The following UBXN2A variants were observed in gnomAD, a reference collection of about 807,000 sequenced individuals.
UBXN2A encodes the protein UBX domain-containing protein 2A.
Under a neutral mutation model 28.4 loss-of-function variants are expected in UBXN2A, and 28 were observed. The observed-to-expected ratio is 0.99, with a 90% CI of 0.73 to 1.35. UBXN2A has a LOEUF of 1.35. UBXN2A is among the 40% of genes most tolerant of loss of function. The pLI is 0.00. For missense variants in UBXN2A, 253 were observed against 297.9 expected (o/e 0.85, Z 1.11); for synonymous variants, 97 against 103.6 (o/e 0.94, Z 0.39).
At chr2:23,982,372 A>C (rs1707947871) in intron 4 of UBXN2A, among the ~76,000 whole-genome samples, 1 of 152,154 alleles carries the variant, frequency 6.6e-6, no homozygotes, top group Admixed American at 6.6e-5. Flanking sequence ...GTCTCAAAAA[A>C]AAAAAAAAGT....
chr2:23,995,715 A>G (rs1462644447), intron 6 of UBXN2A, among the ~76,000 whole-genome samples: 5 of 151,754 alleles, frequency 3.3e-5, no homozygotes, highest in Admixed American at 6.6e-5. Flanking sequence ...GAAAAGAAAA[A>G]AAAAAGAAAA....
intron 1 of UBXN2A, among the ~76,000 whole-genome samples, chr2:23,952,933 G>T (rs1706445404): frequency 6.8e-6 from 1 of 147,520 alleles, no homozygotes; most frequent in Non-Finnish European, 1.5e-5. Context: ...TTCAAGCCAT[G>T]AATCAACCAA....
intron 3 of UBXN2A, among the ~76,000 whole-genome samples, chr2:23,971,615 A>G (rs1707426031): frequency 6.6e-6 from 1 of 152,032 alleles, no homozygotes; most frequent in Admixed American, 6.6e-5. Context: ...CAGCATTCGC[A>G]GGTAGCCCGG....
At chr2:23,969,620 C>G (rs1368246291) in intron 2 of UBXN2A, among the ~76,000 whole-genome samples, 1 of 152,142 alleles carries the variant, frequency 6.6e-6, no homozygotes, top group Non-Finnish European at 1.5e-5. Context: ...CTTGGCCTCT[C>G]AAAGTGCTGG....
chr2:23,944,329 T>A, intron 1 of UBXN2A: 4 of 1,600,620 alleles, frequency 2.5e-6, no homozygotes, highest in Non-Finnish European at 3.4e-6. Flanking sequence ...ACTGTGTTAT[T>A]TGTAGGGCTG....
chr2:23,964,371 C>T (rs185393434), intron 2 of UBXN2A, among the ~76,000 whole-genome samples: 54 of 152,196 alleles, frequency 3.5e-4, no homozygotes, highest in African/African-American at 1.2e-3. Flanking sequence ...CCACCACACC[C>T]GGCTAATTTT....
rs531195100 is a variant in UBXN2A, at chr2:23,974,307, G to A, written c.181-2662G>A. ...GCTAGGATTACAGACTTGAGCCACCGTGCCTGGCCAAAAAATGATAAATTT... is the reference window on the plus strand; with the variant it reads ...GCTAGGATTACAGACTTGAGCCACCATGCCTGGCCAAAAAATGATAAATTT... On this transcript the variant is annotated intron_variant, in intron 3 of 6. Coordinates refer to ENST00000309033, the MANE Select transcript of UBXN2A (RefSeq NM_181713.4). Among the ~76,000 whole-genome samples, 123 of 149,612 alleles carry A rather than the reference G, an allele frequency of 8.2e-4. 1 individual carries two copies. The highest frequency in any genetic ancestry group is 3.5e-3 in the Middle Eastern group (1 of 288).
At chr2:23,985,920 T>G (rs1263295003) in intron 6 of UBXN2A, among the ~76,000 whole-genome samples, 1 of 151,826 alleles carries the variant, frequency 6.6e-6, no homozygotes, top group African/African-American at 2.4e-5. Context: ...GCCCAGGAGG[T>G]AGAGACTGCA....
chr2:23,929,428 AG>A (rs2150779977), intron 1 of UBXN2A, among the ~76,000 whole-genome samples: 1 of 150,924 alleles, frequency 6.6e-6, no homozygotes, highest in East Asian at 2.0e-4. Context: ...AAAAAAAAAA[AG>A]GGTAGGGTGC....
At chr2:23,951,448 A>C (rs1245634649) in intron 1 of UBXN2A, among the ~76,000 whole-genome samples, 3 of 61,502 alleles carry the variant, frequency 4.9e-5, no homozygotes, top group Non-Finnish European at 6.8e-5. Flanking sequence ...ATATATATAT[A>C]TATATATATA....
At chr2:23,929,447 A>C (rs1705304770) in intron 1 of UBXN2A, among the ~76,000 whole-genome samples, 1 of 150,788 alleles carries the variant, frequency 6.6e-6, no homozygotes, top group African/African-American at 2.4e-5. Context: ...TGCAGTGGCT[A>C]ATGCCTGTAA....
chr2:23,965,926 T>G (rs771563328), intron 2 of UBXN2A, among the ~76,000 whole-genome samples: 25 of 152,106 alleles, frequency 1.6e-4, no homozygotes, highest in Non-Finnish European at 3.4e-4. Flanking sequence ...TTCCTTCTTG[T>G]GTGTGTTTTG....
chr2:23,976,471 G>A (rs1490657203), intron 3 of UBXN2A, among the ~76,000 whole-genome samples: 1 of 152,190 alleles, frequency 6.6e-6, no homozygotes, highest in Non-Finnish European at 1.5e-5. Flanking sequence ...CCGAGACTGG[G>A]AAGAAAGGAA....
At chr2:23,998,163 T>C (rs1043363625) in intron 6 of UBXN2A, among the ~76,000 whole-genome samples, 4 of 152,314 alleles carry the variant, frequency 2.6e-5, no homozygotes, top group Admixed American at 2.6e-4. Context: ...CTCTCAACAT[T>C]GTTTTTTGTT....
intron 1 of UBXN2A, chr2:23,927,629 G>A (rs1386928116): frequency 2.2e-5 from 2 of 92,042 alleles, no homozygotes; most frequent in African/African-American, 6.7e-5. Context: ...AGCTTAAGAA[G>A]AGAAGGGGGG....
At chr2:23,982,765 G>T in intron 4 of UBXN2A, 131 bp from the exon 5 acceptor site, 4 of 937,324 alleles carry the variant, frequency 4.3e-6, no homozygotes, top group Non-Finnish European at 5.7e-6. Flanking sequence ...AATACATTTA[G>T]TTATTTCATT....
intron 4 of UBXN2A, among the ~76,000 whole-genome samples, chr2:23,981,528 A>G (rs933494924): frequency 5.3e-5 from 8 of 150,088 alleles, no homozygotes; most frequent in Non-Finnish European, 8.9e-5. Context: ...CAGAAATCAT[A>G]AATATATACT....
At chr2:23,954,973 G>A (rs965288146) in intron 1 of UBXN2A, among the ~76,000 whole-genome samples, 17 of 133,542 alleles carry the variant, frequency 1.3e-4, no homozygotes, top group African/African-American at 4.3e-4. Context: ...TAGCTTTGTC[G>A]CCAGACTGGA....
At chr2:23,938,676 T>G (rs1705612049), upstream of UBXN2A, among the ~76,000 whole-genome samples, 3 of 151,560 alleles carry the variant, frequency 2.0e-5, no homozygotes, top group Non-Finnish European at 4.4e-5. Flanking sequence ...CTGATTTCTA[T>G]ACAGCTACTA....
Sources: allele counts gnomAD v4.1 joint callset (sites outside exome capture counted in the v4.1 genomes callset), GRCh38; gene constraint gnomAD v4.1.1; transcripts MANE v1.5; gene names NCBI Gene and HGNC (gene_info 2026-07-23, HGNC 2026-07-21).